PICALM: variants seen among roughly 807,000 people sequenced by gnomAD.
The protein encoded by PICALM is phosphatidylinositol-binding clathrin assembly protein.
A neutral mutation model predicts 80.5 loss-of-function variants in PICALM; 40 were observed. The ratio of observed to expected loss-of-function variants is 0.50; its 90% CI spans 0.39 to 0.65. The LOEUF (loss-of-function observed/expected upper bound fraction) is 0.65, where lower values mean the gene tolerates loss of function less well. Ranked by LOEUF, PICALM falls within the 30% of genes least tolerant of loss-of-function variation. PICALM has a pLI of 0.00. For synonymous variants in PICALM, 288 were observed against 260.3 expected (o/e 1.11, Z -1.02); for missense variants, 676 against 778.9 (o/e 0.87, Z 1.57).
intron 10 of PICALM, 27 bp downstream of exon 10, chr11:86,001,008 C>T (rs759827982): frequency 1.4e-5 from 23 of 1,610,808 alleles, no homozygotes; most frequent in Non-Finnish European, 1.5e-5. Flanking sequence ...ACTCATTTTT[C>T]GAAATAAGGA....
chr11:85,999,414 G>C (rs1323495568), intron 11 of PICALM, among the ~76,000 whole-genome samples: 1 of 152,122 alleles, frequency 6.6e-6, no homozygotes, highest in African/African-American at 2.4e-5. Context: ...CCAATAATTT[G>C]TTTCAGCCTC....
chr11:86,055,072 T>C (rs1407105239), intron 1 of PICALM, among the ~76,000 whole-genome samples: 14 of 152,166 alleles, frequency 9.2e-5, no homozygotes, highest in Non-Finnish European at 1.5e-5. Flanking sequence ...GGCTAATGCC[T>C]GTAATCTCAA....
rs762683708 is a variant in PICALM, at chr11:86,031,599, C to T, written c.143G>A (p.Cys48Tyr). ...GATGTTCACATTCATCTCATTTGTG[C>T]ACTGAATTAAGTCTGCAATAAAAAA... ...KKKHLDYLIQ[C>Y]TNEMNVNIPQ... Residue 48 changes from cysteine (C) to tyrosine (Y), a missense_variant, in exon 2 of 20, where the codon TGC (cysteine) becomes TAC (tyrosine). Cys to Tyr is a radical substitution (Grantham distance 194). Coordinates refer to ENST00000393346, the MANE Select transcript of PICALM (RefSeq NM_007166.4). The T allele has an allele frequency of 1.2e-6, 2 of 1,607,422 alleles. No homozygotes were observed. The highest frequency in any genetic ancestry group is 8.5e-7 in the Non-Finnish European group (1 of 1,178,052).
chr11:85,981,822 G>T, intron 15 of PICALM, 47 bp from the exon 16 acceptor site: 1 of 1,611,600 alleles, frequency 6.2e-7, no homozygotes, highest in Non-Finnish European at 8.5e-7. Flanking sequence ...ACGAGACGCA[G>T]TTTAATAAAA....
chr11:86,045,519 CAAAAAAAAA>C (rs71040207), intron 1 of PICALM, among the ~76,000 whole-genome samples: 1,913 of 47,808 alleles, frequency 0.04, 67 homozygotes, highest in African/African-American at 0.096. Context: ...TCTTGAAATT[CAAAAAAAAA>C]AAAAAAAAAA....
At chr11:86,055,864 G>A (rs2096260992) in intron 1 of PICALM, among the ~76,000 whole-genome samples, 1 of 151,992 alleles carries the variant, frequency 6.6e-6, no homozygotes, top group African/African-American at 2.4e-5. Flanking sequence ...GTGAGAGTGT[G>A]ATGGCTCACG....
chr11:86,000,696 C>G lies in PICALM; in HGVS notation c.1101G>C (p.Gly367=). The G allele has an allele frequency of 1.9e-6, 3 of 1,612,482 alleles. No individual in the cohort carries two copies. The highest frequency in any genetic ancestry group is 2.5e-6 in the Non-Finnish European group (3 of 1,179,606). The change falls in exon 11 of 20, where the codon GGG becomes GGC. Residue 367 remains glycine, a synonymous_variant. Transcript: ENST00000393346. ...AASPVSTSAG[G]IMTAPAIDIF... is the part of the protein sequence containing the mutation. Reference sequence around the variant, plus strand: ...TGTCAATGGCTGGTGCAGTCATTATCCCTCCTGCTGAGGTGGATACAGGAG... The same window carrying G: ...TGTCAATGGCTGGTGCAGTCATTATGCCTCCTGCTGAGGTGGATACAGGAG...
chr11:85,967,354 T>C (rs1189621011), intron 19 of PICALM, among the ~76,000 whole-genome samples: 1 of 149,188 alleles, frequency 6.7e-6, no homozygotes, highest in Non-Finnish European at 1.5e-5. Context: ...TGGTTTTATT[T>C]ATTAAGACAA....
intron 9 of PICALM, among the ~76,000 whole-genome samples, chr11:86,002,711 G>A (rs999285489): frequency 2.6e-5 from 4 of 152,050 alleles, no homozygotes; most frequent in Non-Finnish European, 4.4e-5. Flanking sequence ...AAATTAATAC[G>A]AAAGTATCTT....
In PICALM at chr11:86,067,983, T is replaced by C. The variant is rs138507771; in HGVS notation, c.130+668A>G. ...ACTTTCACTCCCACAAAGAAGGTAA[T>C]CTGAAATAAAAGTCGGGTAACTGGG... On this transcript the variant is annotated intron_variant, in intron 1 of 19. Transcript: ENST00000393346. Among the ~76,000 whole-genome samples, 585 of 152,186 alleles carry C rather than the reference T, an allele frequency of 3.8e-3. 8 individuals carry two copies. Among genetic ancestry groups the C allele is most frequent in the Non-Finnish European group, 6.6e-3 (451 of 68,012 alleles).
intron 3 of PICALM, among the ~76,000 whole-genome samples, chr11:86,023,950 C>G (rs2095607545): frequency 1.3e-5 from 2 of 151,962 alleles, no homozygotes; most frequent in African/African-American, 4.8e-5. Context: ...AGAGCAAGAG[C>G]CCATCTCTAC....
At chr11:86,009,167 C>T (rs1284882633) in intron 7 of PICALM, among the ~76,000 whole-genome samples, 1 of 150,716 alleles carries the variant, frequency 6.6e-6, no homozygotes, top group African/African-American at 2.4e-5. Context: ...GTGGCGGGCA[C>T]CTGTAATCCC....
At chr11:86,004,702 T>C (rs963855179) in intron 8 of PICALM, among the ~76,000 whole-genome samples, 3 of 152,200 alleles carry the variant, frequency 2.0e-5, no homozygotes, top group African/African-American at 7.2e-5. Context: ...ACACAGTTTC[T>C]GGATACAGGA....
At chr11:86,048,008 G>A (rs969710406) in intron 1 of PICALM, among the ~76,000 whole-genome samples, 1 of 152,068 alleles carries the variant, frequency 6.6e-6, no homozygotes, top group South Asian at 2.1e-4. Flanking sequence ...GGCTGACGCA[G>A]GAGAATCTCC....
At chr11:86,008,921 CG>C (rs1565391649) in intron 7 of PICALM, among the ~76,000 whole-genome samples, 1 of 129,408 alleles carries the variant, frequency 7.7e-6, no homozygotes, top group African/African-American at 3.0e-5. Flanking sequence ...AGTGAGACCC[CG>C]TTCTCCAGAA....
chr11:85,984,123 A>AT, intron 13 of PICALM, 150 bp from the exon 14 acceptor site: 2 of 554,636 alleles, frequency 3.6e-6, no homozygotes, highest in Non-Finnish European at 6.5e-6. Context: ...TCTATATCAC[A>AT]TTTTTCGCAG....
At chr11:86,031,962 T>C (rs1417643918) in intron 1 of PICALM, among the ~76,000 whole-genome samples, 1 of 152,204 alleles carries the variant, frequency 6.6e-6, no homozygotes, top group Non-Finnish European at 1.5e-5. Context: ...AAAATACTGG[T>C]ATTATTCATC....
chr11:86,047,135 T>G (rs576326159), intron 1 of PICALM, among the ~76,000 whole-genome samples: 95 of 152,338 alleles, frequency 6.2e-4, no homozygotes, highest in African/African-American at 2.2e-3. Context: ...GCAGGATAGA[T>G]GAAGACACAC....
At chr11:85,970,832 A>G (rs1281554878) in intron 19 of PICALM, among the ~76,000 whole-genome samples, 1 of 152,164 alleles carries the variant, frequency 6.6e-6, no homozygotes, top group East Asian at 1.9e-4. Context: ...ACCTCCCTAA[A>G]TGTTTGAGTA....
Sources: gnomAD v4.1 joint callset for allele counts (sites outside exome capture counted in the v4.1 genomes callset) on GRCh38, gnomAD v4.1.1 for gene constraint, MANE v1.5 for transcripts, NCBI Gene and HGNC (gene_info 2026-07-23, HGNC 2026-07-21) for gene names.